Variants in DIPK1C observed in about 807,000 individuals in gnomAD.
DIPK1C encodes the protein familial non-conventional Alzheimer's dementia.
In DIPK1C, 33 loss-of-function variants were observed where a neutral mutation model predicts 28.0. The ratio of observed to expected loss-of-function variants is 1.18; its 90% CI spans 0.89 to 1.58. DIPK1C has a LOEUF of 1.58. DIPK1C is among the 40% of genes most tolerant of loss of function. The probability of loss-of-function intolerance (pLI) is 0.00; values close to 1 mark genes in which losing one functional copy is unlikely to be tolerated. For missense variants in DIPK1C, 569 were observed against 568.5 expected (o/e 1.00, Z -0.01); for synonymous variants, 255 against 248.8 (o/e 1.02, Z -0.23).
At chr18:74,446,282 C>T (rs1403901049) in intron 2 of DIPK1C, among the ~76,000 whole-genome samples, 6 of 152,138 alleles carry the variant, frequency 3.9e-5, no homozygotes, top group East Asian at 1.9e-4. Context: ...TAAACAGGCC[C>T]GCAGGAGAGG....
chr18:74,461,427 G>T (rs1282031966), upstream of DIPK1C, among the ~76,000 whole-genome samples: 1 of 142,630 alleles, frequency 7.0e-6, no homozygotes. Flanking sequence ...TTTTGAGACA[G>T]GGTCTCGCTC....
chr18:74,462,914 G>A (rs980542423), upstream of DIPK1C, among the ~76,000 whole-genome samples: 12 of 152,136 alleles, frequency 7.9e-5, no homozygotes, highest in African/African-American at 2.2e-4. Context: ...TCATTCTTTC[G>A]TTGTCCTGCA....
At chr18:74,458,311 T>C (rs1986563881), upstream of DIPK1C, among the ~76,000 whole-genome samples, 1 of 152,194 alleles carries the variant, frequency 6.6e-6, no homozygotes. Context: ...GCCCAGTACG[T>C]GCCAGCCCAT....
At chr18:74,436,893 C>T (rs1395332583) in intron 3 of DIPK1C, among the ~76,000 whole-genome samples, 174 bp from the exon 4 acceptor site, 1 of 151,514 alleles carries the variant, frequency 6.6e-6, no homozygotes, top group Non-Finnish European at 1.5e-5. Context: ...CACTTCTGCC[C>T]CTTAAACCCT....
At chr18:74,443,233 C>T (rs1056526170) in intron 2 of DIPK1C, among the ~76,000 whole-genome samples, 14 of 152,120 alleles carry the variant, frequency 9.2e-5, no homozygotes, top group African/African-American at 2.2e-4. Context: ...GCTCTTCCTC[C>T]GCCACCTGGA....
intron 1 of DIPK1C, among the ~76,000 whole-genome samples, chr18:74,455,198 G>C (rs773715861): frequency 2.6e-5 from 4 of 152,152 alleles, no homozygotes; most frequent in Admixed American, 6.5e-5. Flanking sequence ...TGCTGGGAAA[G>C]TCATGATTAG....
At chr18:74,439,975 C>T (rs1986083024) in intron 3 of DIPK1C, among the ~76,000 whole-genome samples, 3 of 143,146 alleles carry the variant, frequency 2.1e-5, no homozygotes, top group South Asian at 2.2e-4. Flanking sequence ...GACGGAGTCT[C>T]GCTCTGTTGC....
upstream of DIPK1C, among the ~76,000 whole-genome samples, chr18:74,460,098 C>A (rs992312776): frequency 6.6e-6 from 1 of 152,186 alleles, no homozygotes; most frequent in Non-Finnish European, 1.5e-5. Flanking sequence ...CAAGAGTCAC[C>A]ACAAGGGGAG....
At chr18:74,454,067 TG>T (rs1986453551) in intron 1 of DIPK1C, among the ~76,000 whole-genome samples, 2 of 152,286 alleles carry the variant, frequency 1.3e-5, no homozygotes, top group South Asian at 4.1e-4. Flanking sequence ...CCCAGCTGGC[TG>T]GGCCTGCTGA....
Position 74,438,230 on chromosome 18 carries a change from AT to A in DIPK1C, c.1042-1512del, listed in dbSNP as rs1361439242. Among the ~76,000 whole-genome samples, 3 of 152,216 alleles carry A rather than the reference AT, an allele frequency of 2.0e-5. No individual in the cohort carries two copies. In the East Asian group the frequency reaches 5.8e-4, roughly 29 times the overall value. On this transcript the variant is annotated intron_variant, in intron 3 of 3. Coordinates refer to ENST00000343998, the MANE Select transcript of DIPK1C (RefSeq NM_001044369.3). ...AGTTCTTATGAGGATATCCCATGTG[AT>A]TTAATGGCTACTTCTAAAATGTGTG...
rs530710703 is a variant in DIPK1C, at chr18:74,455,996, T to C, written c.198+1066A>G. 6.6e-5 allele frequency among the ~76,000 whole-genome samples: 10 copies of C among 152,330 alleles called. No homozygotes were observed. The East Asian group carries it at 1.7e-3, about 26-fold the overall frequency. ...ACTTTGTGGTCCCACATTTTGAAAA[T>C]CTACAATCTCAAAAGGCCCACCCAT... On this transcript the variant is annotated intron_variant, in intron 1 of 3. Coordinates refer to ENST00000343998, the MANE Select transcript of DIPK1C (RefSeq NM_001044369.3).
chr18:74,438,868 G>T (rs1176331985), intron 3 of DIPK1C, among the ~76,000 whole-genome samples: 1 of 152,122 alleles, frequency 6.6e-6, no homozygotes, highest in African/African-American at 2.4e-5. Flanking sequence ...AGGCATAGGG[G>T]GGCTTGGTGT....
intron 1 of DIPK1C, among the ~76,000 whole-genome samples, chr18:74,456,469 C>T (rs1986514484): frequency 6.6e-6 from 1 of 152,244 alleles, no homozygotes; most frequent in Admixed American, 6.5e-5. Context: ...CTCTGCTCGC[C>T]CGAGCGCACA....
At position 74,451,854 on chromosome 18, in the gene DIPK1C, C is replaced by T. The variant is rs116076983; in HGVS notation, c.199-4571G>A. ...CGCTTGTCCTAAGAGAGCATTAAAA[C>T]GCACACAGCTCTTCCTCAACTTAAA... On this transcript the variant is annotated intron_variant, in intron 1 of 3. Coordinates refer to ENST00000343998, the MANE Select transcript of DIPK1C (RefSeq NM_001044369.3). Among the ~76,000 whole-genome samples the T allele has an allele frequency of 2.0e-3, 301 of 152,322 alleles. 2 individuals are homozygous for T. The highest frequency in any genetic ancestry group is 5.8e-3 in the African/African-American group (243 of 41,572).
chr18:74,460,238 G>A (rs1420731456), upstream of DIPK1C, among the ~76,000 whole-genome samples: 2 of 152,196 alleles, frequency 1.3e-5, no homozygotes, highest in Admixed American at 1.3e-4. Flanking sequence ...AAGCAAGTTC[G>A]GGTTGGGTTT....
At chr18:74,460,271 C>T (rs12961069), upstream of DIPK1C, among the ~76,000 whole-genome samples, 41,351 of 152,052 alleles carry the variant, frequency 0.27, 5,866 homozygotes, top group South Asian at 0.38. Flanking sequence ...ATGGAAAGAG[C>T]CTTGACCAGT....
chr18:74,454,790 T>A (rs185670454), intron 1 of DIPK1C, among the ~76,000 whole-genome samples: 184 of 152,224 alleles, frequency 1.2e-3, no homozygotes, highest in African/African-American at 4.2e-3. Flanking sequence ...AACCCTGTCC[T>A]GAGAGTGTCC....
upstream of DIPK1C, among the ~76,000 whole-genome samples, chr18:74,462,139 T>C (rs906444574): frequency 6.6e-6 from 1 of 152,210 alleles, no homozygotes; most frequent in Non-Finnish European, 1.5e-5. Flanking sequence ...GGCATTCAAT[T>C]CGGTGATTCT....
chr18:74,462,474 T>C (rs752445603), upstream of DIPK1C, among the ~76,000 whole-genome samples: 2 of 152,230 alleles, frequency 1.3e-5, no homozygotes, highest in Non-Finnish European at 2.9e-5. Context: ...GACAGTGTTA[T>C]CCGCTCTTCA....
Sources: gnomAD v4.1 joint callset for allele counts (sites outside exome capture counted in the v4.1 genomes callset) on GRCh38, gnomAD v4.1.1 for gene constraint, MANE v1.5 for transcripts, NCBI Gene and HGNC (gene_info 2026-07-23, HGNC 2026-07-21) for gene names.